Variants in CREB5 observed in about 807,000 individuals in gnomAD.
CREB5 encodes the protein cAMP responsive element binding protein 5.
A neutral mutation model predicts 57.1 loss-of-function variants in CREB5; 19 were observed. The ratio of observed to expected loss-of-function variants is 0.33; its 90% CI spans 0.23 to 0.49. CREB5 has a LOEUF of 0.49. Among genes scored for constraint, CREB5 ranks in the 20% least tolerant of loss-of-function variants. CREB5 has a pLI of 0.99. For synonymous variants in CREB5, 238 were observed against 238.3 expected, an observed-to-expected ratio of 1.00 and a Z score of 0.01; for missense variants, 579 against 671.6, an observed-to-expected ratio of 0.86 and a Z score of 1.52.
chr7:28,417,487 C>T (rs1204219508), intron 1 of CREB5, among the ~76,000 whole-genome samples: 2 of 152,024 alleles, frequency 1.3e-5, no homozygotes, highest in African/African-American at 4.8e-5. Flanking sequence ...TCAGACAACA[C>T]AGGGTAAATC....
At chr7:28,595,333 C>A (rs1342092786) in intron 5 of CREB5, among the ~76,000 whole-genome samples, 2 of 152,134 alleles carry the variant, frequency 1.3e-5, no homozygotes, top group Non-Finnish European at 2.9e-5. Flanking sequence ...GATGTTCCAT[C>A]AGCTCAGGGA....
intron 1 of CREB5, among the ~76,000 whole-genome samples, chr7:28,389,155 G>C (rs1787164024): frequency 6.6e-6 from 1 of 152,070 alleles, no homozygotes; most frequent in South Asian, 2.1e-4. Flanking sequence ...CTGAATATTG[G>C]GGAAATAATT....
chr7:28,377,213 A>T (rs1023598995), intron 1 of CREB5, among the ~76,000 whole-genome samples: 2 of 152,180 alleles, frequency 1.3e-5, no homozygotes, highest in African/African-American at 4.8e-5. Flanking sequence ...ATTGTCCAAT[A>T]TGGTAGCCAC....
At chr7:28,409,944 G>T, upstream of CREB5, 1 of 453,850 alleles carries the variant, frequency 2.2e-6, no homozygotes, top group South Asian at 1.6e-5. The surrounding 1 kb of genome is among the most constrained non-coding windows in gnomAD (Gnocchi z 4.4). Flanking sequence ...AAGCGGCAGC[G>T]GAGACGGCGA....
intron 1 of CREB5, among the ~76,000 whole-genome samples, chr7:28,384,059 G>C (rs1180048690): frequency 6.6e-6 from 1 of 152,180 alleles, no homozygotes; most frequent in Non-Finnish European, 1.5e-5. Flanking sequence ...CATGGGAGCT[G>C]TTCCTTGTGG....
intron 5 of CREB5, among the ~76,000 whole-genome samples, chr7:28,618,772 A>G (rs1797685834): frequency 6.6e-6 from 1 of 152,204 alleles, no homozygotes; most frequent in South Asian, 2.1e-4. Flanking sequence ...CCTGGATAAC[A>G]AGCTACCAAT....
At chr7:28,674,933 C>T (rs903839313) in intron 5 of CREB5, among the ~76,000 whole-genome samples, 4 of 152,174 alleles carry the variant, frequency 2.6e-5, no homozygotes, top group Non-Finnish European at 4.4e-5. Flanking sequence ...CCCAGGTTAC[C>T]GCTTTTCCCT....
intron 7 of CREB5, among the ~76,000 whole-genome samples, chr7:28,729,411 G>C (rs1423179437): frequency 6.6e-6 from 1 of 152,204 alleles, no homozygotes; most frequent in African/African-American, 2.4e-5. Context: ...GAACTAGGGA[G>C]GTATGGTGAG....
At chr7:28,799,049 C>G (rs1448205895) in intron 7 of CREB5, among the ~76,000 whole-genome samples, 1 of 152,172 alleles carries the variant, frequency 6.6e-6, no homozygotes, top group African/African-American at 2.4e-5. Flanking sequence ...GCAACTGTGA[C>G]TCTTGTTGGC....
chr7:28,816,398 G>T (rs556721905), intron 9 of CREB5, among the ~76,000 whole-genome samples: 1 of 152,066 alleles, frequency 6.6e-6, no homozygotes, highest in Non-Finnish European at 1.5e-5. Flanking sequence ...GGTACAATTT[G>T]CCTTCTTGTA....
At chr7:28,652,838 CTT>C (rs1799194798) in intron 5 of CREB5, among the ~76,000 whole-genome samples, 1 of 152,148 alleles carries the variant, frequency 6.6e-6, no homozygotes, top group Non-Finnish European at 1.5e-5. Flanking sequence ...TGTAGGCTGT[CTT>C]TTAAGTACAA....
intron 1 of CREB5, among the ~76,000 whole-genome samples, chr7:28,371,453 C>T (rs1355012611): frequency 4.1e-5 from 6 of 146,622 alleles, no homozygotes; most frequent in African/African-American, 1.5e-4. Flanking sequence ...CGCGACACTG[C>T]ACTCCAGTCT....
intron 1 of CREB5, among the ~76,000 whole-genome samples, chr7:28,304,563 C>A (rs1450747556): frequency 6.6e-6 from 1 of 152,084 alleles, no homozygotes; most frequent in Non-Finnish European, 1.5e-5. Context: ...TATGGAGAAC[C>A]ACAAACTTGT....
intron 5 of CREB5, among the ~76,000 whole-genome samples, chr7:28,600,221 G>A (rs572620766): frequency 6.6e-6 from 1 of 152,184 alleles, no homozygotes; most frequent in African/African-American, 2.4e-5. Flanking sequence ...ATGTGCCTTG[G>A]TGGATTGAAG....
In CREB5 at chr7:28,822,291, T is replaced by A. The variant is rs1476353350; in HGVS notation, c.*3012T>A. The A allele has an allele frequency of 1.3e-5, 2 of 152,300 alleles. No homozygotes were observed. The highest frequency in any genetic ancestry group is 2.9e-5 in the Non-Finnish European group (2 of 68,044). 9.4% of individuals were successfully genotyped at this position (152,300 alleles called of 1,614,324 possible). Reference sequence around the variant, plus strand: ...AATTCCAAACAGAAAGATACATTGGTCAAATCCAACACTTGGCTTATCAAT... The same window carrying A: ...AATTCCAAACAGAAAGATACATTGGACAAATCCAACACTTGGCTTATCAAT... On this transcript the variant is annotated 3_prime_UTR_variant, in exon 11 of 11. Transcript: ENST00000357727.
intron 1 of CREB5, among the ~76,000 whole-genome samples, chr7:28,355,191 T>C (rs987193240): frequency 1.3e-5 from 2 of 152,230 alleles, no homozygotes; most frequent in African/African-American, 4.8e-5. Context: ...GCATCTGTTA[T>C]GGTGACAGGT....
chr7:28,638,298 C>CGA (rs1265100959), intron 5 of CREB5, among the ~76,000 whole-genome samples: 1,583 of 149,690 alleles, frequency 0.011, 27 homozygotes, highest in African/African-American at 0.037. Context: ...CACACACGAA[C>CGA]ACACACACAC....
chr7:28,673,769 G>C (rs1800179758), intron 5 of CREB5, among the ~76,000 whole-genome samples: 1 of 143,256 alleles, frequency 7.0e-6, no homozygotes, highest in South Asian at 2.3e-4. Context: ...ACCTACTTAG[G>C]CTCAAGTGAT....
intron 1 of CREB5, among the ~76,000 whole-genome samples, chr7:28,325,036 C>T (rs1369357030): frequency 6.6e-6 from 1 of 152,208 alleles, no homozygotes; most frequent in Non-Finnish European, 1.5e-5. Context: ...TCCAATGCAT[C>T]ACTCTACTAC....
Sources: allele counts gnomAD v4.1 joint callset (sites outside exome capture counted in the v4.1 genomes callset), GRCh38; gene constraint gnomAD v4.1.1; non-coding constraint Gnocchi (gnomAD v3.1); transcripts MANE v1.5; gene names NCBI Gene and HGNC (gene_info 2026-07-23, HGNC 2026-07-21).